The following LITAF variants were observed in gnomAD, a reference collection of about 807,000 sequenced individuals.
LITAF encodes lipopolysaccharide induced TNF factor, also known as lipopolysaccharide-induced tumor necrosis factor-alpha factor.
In LITAF, 9 loss-of-function variants were observed where a neutral mutation model predicts 14.5. The observed-to-expected ratio is 0.62, with a 90% CI of 0.37 to 1.08. The LOEUF (loss-of-function observed/expected upper bound fraction) is 1.08, where lower values mean the gene tolerates loss of function less well. LITAF is among the 50% of genes least tolerant of loss of function. LITAF has a pLI of 0.01. For missense variants in LITAF, 206 were observed against 213.4 expected (o/e 0.97, Z 0.22); for synonymous variants, 98 against 88.2 (o/e 1.11, Z -0.62).
At chr16:11,623,676 C>T (rs1352430403) in intron 3 of LITAF, among the ~76,000 whole-genome samples, 1 of 145,704 alleles carries the variant, frequency 6.9e-6, no homozygotes, top group African/African-American at 2.5e-5. Context: ...AAAAAAGGAT[C>T]TCTCTCTTGG....
chr16:11,617,583 C>G (rs370317770), intron 3 of LITAF, among the ~76,000 whole-genome samples: 1 of 151,940 alleles, frequency 6.6e-6, no homozygotes, highest in East Asian at 1.9e-4. Context: ...CACACCACCA[C>G]GCCCAGCTAA....
intron 1 of LITAF, among the ~76,000 whole-genome samples, chr16:11,568,793 C>T (rs572695893): frequency 1.3e-5 from 2 of 151,814 alleles, no homozygotes; most frequent in South Asian, 2.1e-4. Context: ...GATTCTCTCA[C>T]GTCAGCTTCC....
Position 11,634,723 on chromosome 16 carries a change from G to C in LITAF, c.-20-1086C>G, listed in dbSNP as rs1002620707. On this transcript the variant is annotated intron_variant, in intron 2 of 3. Transcript: ENST00000574848. The surrounding 1 kb of genome is among the most constrained non-coding windows in gnomAD (Gnocchi z 4.1). ...ACCCTAGCCTCTGAATTTTCAGGGAGACTGACTTGAGTCATAAAACTCTGG... is the reference window on the plus strand; with the variant it reads ...ACCCTAGCCTCTGAATTTTCAGGGACACTGACTTGAGTCATAAAACTCTGG... Among the ~76,000 whole-genome samples the C allele has an allele frequency of 2.6e-5, 4 of 152,134 alleles. No homozygotes were observed. The highest frequency in any genetic ancestry group is 2.6e-4 in the Admixed American group (4 of 15,262).
chr16:11,562,184 G>C (rs997040448), intron 1 of LITAF, among the ~76,000 whole-genome samples: 4 of 151,690 alleles, frequency 2.6e-5, no homozygotes, highest in Admixed American at 6.6e-5. Flanking sequence ...GCCTCTCAAA[G>C]TGCTGGGATT....
chr16:11,603,550 T>G (rs778604272), intron 3 of LITAF, among the ~76,000 whole-genome samples: 1 of 152,206 alleles, frequency 6.6e-6, no homozygotes, highest in Non-Finnish European at 1.5e-5. Flanking sequence ...AGTTTTAGCC[T>G]GGGAATGGCT....
chr16:11,588,237 A>G (rs1439716745), upstream of LITAF, among the ~76,000 whole-genome samples: 1 of 152,180 alleles, frequency 6.6e-6, no homozygotes, highest in Non-Finnish European at 1.5e-5. Context: ...GCTCTTGCCT[A>G]TAGTCTCAGG....
chr16:11,635,034 A>AAAAAT (rs55724396), intron 2 of LITAF, among the ~76,000 whole-genome samples: 67 of 142,086 alleles, frequency 4.7e-4, no homozygotes, highest in Admixed American at 5.0e-4. Context: ...ACTCCATCTC[A>AAAAAT]AAAATAAAAT....
At chr16:11,611,643 T>A (rs1020257092) in intron 3 of LITAF, among the ~76,000 whole-genome samples, 3 of 151,674 alleles carry the variant, frequency 2.0e-5, no homozygotes, top group Admixed American at 6.6e-5. Context: ...TTTTTTTTCT[T>A]TCTTTCTTTT....
intron 3 of LITAF, among the ~76,000 whole-genome samples, chr16:11,618,453 C>T (rs1287011671): frequency 1.3e-5 from 2 of 152,228 alleles, no homozygotes; most frequent in Admixed American, 6.5e-5. Context: ...ACCGTGCAGT[C>T]TGCACTAACT....
intron 3 of LITAF, among the ~76,000 whole-genome samples, chr16:11,631,634 C>A (rs748594270): frequency 6.6e-6 from 1 of 152,184 alleles, no homozygotes; most frequent in Non-Finnish European, 1.5e-5. Context: ...AAAGGATTCA[C>A]CCTCCTCAAC....
intron 1 of LITAF, among the ~76,000 whole-genome samples, chr16:11,597,717 A>G (rs2064899199): frequency 6.6e-6 from 1 of 152,126 alleles, no homozygotes; most frequent in Non-Finnish European, 1.5e-5. Flanking sequence ...AGCCCAACTC[A>G]CAGAACAGAA....
At chr16:11,604,644 T>TAA (rs67633068) in intron 3 of LITAF, among the ~76,000 whole-genome samples, 9 of 128,558 alleles carry the variant, frequency 7.0e-5, no homozygotes, top group African/African-American at 1.5e-4. Flanking sequence ...CTGTCTCTCT[T>TAA]AAAAAAAAAA....
At chr16:11,564,854 A>T (rs1433872080) in intron 1 of LITAF, among the ~76,000 whole-genome samples, 1 of 152,078 alleles carries the variant, frequency 6.6e-6, no homozygotes, top group East Asian at 1.9e-4. Context: ...ATTCATAGAG[A>T]TACAAAGCAC....
intron 1 of LITAF, chr16:11,561,471 G>C (rs928875905): frequency 2.0e-5 from 3 of 152,194 alleles, no homozygotes; most frequent in Non-Finnish European, 4.4e-5. Flanking sequence ...CCTTTATTGA[G>C]ACCATCTTTC....
At chr16:11,604,950 G>C (rs2141870152) in intron 3 of LITAF, among the ~76,000 whole-genome samples, 1 of 152,264 alleles carries the variant, frequency 6.6e-6, no homozygotes, top group Non-Finnish European at 1.5e-5. Flanking sequence ...TGCCATCTCG[G>C]TCATCTTTGG....
At chr16:11,599,732 T>A (rs2064915876), upstream of LITAF, among the ~76,000 whole-genome samples, 1 of 151,962 alleles carries the variant, frequency 6.6e-6, no homozygotes, top group African/African-American at 2.4e-5. Context: ...CTCCAAAACA[T>A]CTTCCACTCT....
intron 1 of LITAF, among the ~76,000 whole-genome samples, chr16:11,579,553 A>G (rs8052262): frequency 0.033 from 3,713 of 113,656 alleles, 278 homozygotes; most frequent in African/African-American, 0.096. Context: ...GTAGTACCCT[A>G]GGTTAGGACC....
chr16:11,592,130 G>A (rs976933363), upstream of LITAF, among the ~76,000 whole-genome samples: 3 of 152,158 alleles, frequency 2.0e-5, no homozygotes, highest in African/African-American at 4.8e-5. Context: ...ACTTTTGTGC[G>A]CCCAAGGACA....
chr16:11,577,784 G>A (rs1368102037), intron 1 of LITAF, among the ~76,000 whole-genome samples: 1 of 152,002 alleles, frequency 6.6e-6, no homozygotes, highest in African/African-American at 2.4e-5. Flanking sequence ...GGCACCATTG[G>A]CACCATCATA....
Sources: gnomAD v4.1 joint callset for allele counts (sites outside exome capture counted in the v4.1 genomes callset) on GRCh38, gnomAD v4.1.1 for gene constraint, Gnocchi (gnomAD v3.1) non-coding constraint, MANE v1.5 for transcripts, NCBI Gene and HGNC (gene_info 2026-07-23, HGNC 2026-07-21) for gene names.